C12orf54: variants seen among roughly 807,000 people sequenced by gnomAD.
C12orf54 encodes the protein uncharacterized protein C12orf54.
In C12orf54, 24 loss-of-function variants were observed where a neutral mutation model predicts 26.4. The observed-to-expected ratio is 0.91, with a 90% confidence interval of 0.66 to 1.28. The LOEUF (loss-of-function observed/expected upper bound fraction) is 1.28, where lower values mean the gene tolerates loss of function less well. Ranked by LOEUF, C12orf54 falls within the 50% of genes most tolerant of loss-of-function variation. The pLI is 0.00. For synonymous variants in C12orf54, 54 were observed against 47.0 expected (o/e 1.15, Z -0.61); for missense variants, 154 against 150.9 (o/e 1.02, Z -0.11).
intron 2 of C12orf54, 153 bp downstream of exon 2, chr12:48,483,514 C>T: frequency 5.1e-6 from 3 of 590,796 alleles, no homozygotes; most frequent in Non-Finnish European, 8.9e-6. Flanking sequence ...TCCCTCTTCT[C>T]CATCTCCTTA....
the C12orf54 span, among the ~76,000 whole-genome samples, chr12:48,464,674 A>G: frequency 6.6e-6 from 1 of 152,192 alleles, no homozygotes; most frequent in East Asian, 1.9e-4. Flanking sequence ...GAACTATACT[A>G]CAGGACTATA....
Position 48,494,019 on chromosome 12 carries a change from G to C in C12orf54, c.243-779G>C, listed in dbSNP as rs547554297. On this transcript the variant is annotated intron_variant, in intron 7 of 8. Transcript: ENST00000548364. ...GGATCACCTGAGGTCAGGAGTTCAA[G>C]ACCAGCCTGACCAACACAGTGAAAC... Among the ~76,000 whole-genome samples the C allele has an allele frequency of 9.6e-5, 14 of 145,874 alleles. 2 individuals carry two copies. The highest frequency in any genetic ancestry group is 3.6e-4 in the African/African-American group (14 of 39,184).
At chr12:48,437,839 G>A in the C12orf54 span, among the ~76,000 whole-genome samples, 14 of 152,004 alleles carry the variant, frequency 9.2e-5, no homozygotes, top group Non-Finnish European at 2.1e-4. Context: ...TTGAAAACTG[G>A]CACAAGACAG....
At chr12:48,488,480 C>CAA in intron 4 of C12orf54, 4 of 221,812 alleles carry the variant, frequency 1.8e-5, no homozygotes, top group East Asian at 1.7e-4. Flanking sequence ...AAACTTACAG[C>CAA]CAAAAAAAAA....
chr12:48,438,833 A>C, the C12orf54 span, among the ~76,000 whole-genome samples: 1 of 152,220 alleles, frequency 6.6e-6, no homozygotes, highest in East Asian at 1.9e-4. Context: ...ACCATTCAGG[A>C]CATAGGCATG....
the C12orf54 span, among the ~76,000 whole-genome samples, chr12:48,460,076 C>A: frequency 6.6e-6 from 1 of 152,138 alleles, no homozygotes; most frequent in Non-Finnish European, 1.5e-5. Context: ...GCAGAATGTT[C>A]CAAGGGTTTA....
At chr12:48,446,172 T>C in the C12orf54 span, among the ~76,000 whole-genome samples, 2 of 152,176 alleles carry the variant, frequency 1.3e-5, no homozygotes, top group Non-Finnish European at 2.9e-5. Flanking sequence ...GGCGAGAAAA[T>C]GTACCACAAC....
At chr12:48,429,189 T>C in the C12orf54 span, among the ~76,000 whole-genome samples, 1 of 152,116 alleles carries the variant, frequency 6.6e-6, no homozygotes, top group African/African-American at 2.4e-5. Context: ...AAGCCATCTA[T>C]GAAAAACCCA....
At chr12:48,486,598 A>G (rs2731091) in intron 3 of C12orf54, 90 bp from the exon 4 acceptor site, 626,277 of 1,375,632 alleles carry the variant, frequency 0.46, 147,954 homozygotes, top group East Asian at 0.79. Flanking sequence ...TCCAAGAAAC[A>G]TCTTGTCTTC....
chr12:48,446,639 G>A, the C12orf54 span, among the ~76,000 whole-genome samples: 2 of 152,038 alleles, frequency 1.3e-5, no homozygotes, highest in Admixed American at 6.6e-5. Context: ...TGATTCCACC[G>A]GGAATTCCCA....
At chr12:48,489,035 GAT>G (rs1937724519) in intron 5 of C12orf54, 79 bp downstream of exon 5, 2 of 1,359,980 alleles carry the variant, frequency 1.5e-6, no homozygotes, top group Non-Finnish European at 2.1e-6. Context: ...ACCCTACTGA[GAT>G]GTTGCCTCTG....
chr12:48,488,077 T>A, intron 4 of C12orf54: 2 of 945,152 alleles, frequency 2.1e-6, no homozygotes, highest in Non-Finnish European at 3.5e-6. Context: ...ATCCTTCACA[T>A]CATGAAGGCC....
chr12:48,414,073 A>T, the C12orf54 span, among the ~76,000 whole-genome samples: 1 of 152,250 alleles, frequency 6.6e-6, no homozygotes, highest in Admixed American at 6.5e-5. Flanking sequence ...ACAATTACAG[A>T]TTGATAAAGC....
the C12orf54 span, among the ~76,000 whole-genome samples, chr12:48,464,876 T>C: frequency 6.6e-6 from 1 of 152,028 alleles, no homozygotes; most frequent in Non-Finnish European, 1.5e-5. Flanking sequence ...ATGCAGAAGA[T>C]TGAAATTGAA....
chr12:48,488,088 A>G lies in C12orf54; in HGVS notation c.136-836A>G. The G allele has an allele frequency of 3.3e-6, 3 of 898,442 alleles. No individual in the cohort carries two copies. The South Asian group carries it at 3.9e-5, about 12-fold the overall frequency. 55.7% of individuals were successfully genotyped at this position (898,442 alleles called of 1,614,324 possible). A position where few individuals can be genotyped will look rare whatever the true frequency, so the allele number is the denominator to read the frequency against. ...GCCCATCCTTCACATCATGAAGGCC[A>G]TGCAGTCTCTCAAGTCCCAAGGCTG... On this transcript the variant is annotated intron_variant, in intron 4 of 8. Transcript: ENST00000548364.
chr12:48,473,576 G>A, the C12orf54 span: 1 of 299,490 alleles, frequency 3.3e-6, no homozygotes. Context: ...TGAGGGAAGG[G>A]AGGGGAGGAG....
chr12:48,478,762 A>C (rs551588607), upstream of C12orf54, among the ~76,000 whole-genome samples: 27 of 152,326 alleles, frequency 1.8e-4, no homozygotes, highest in Non-Finnish European at 3.7e-4. Context: ...AACACATGAA[A>C]AAATGCTCAC....
At chr12:48,473,482 C>T in the C12orf54 span, 1 of 449,166 alleles carries the variant, frequency 2.2e-6, no homozygotes, top group Non-Finnish European at 4.1e-6. Flanking sequence ...CCCTCCCCCA[C>T]TCCAATCCTG....
chr12:48,422,832 T>C, the C12orf54 span, among the ~76,000 whole-genome samples: 4 of 152,110 alleles, frequency 2.6e-5, no homozygotes, highest in African/African-American at 9.7e-5. Flanking sequence ...ATTTTGATAC[T>C]CACATGGAAG....
Sources: allele counts gnomAD v4.1 joint callset (sites outside exome capture counted in the v4.1 genomes callset), GRCh38; gene constraint gnomAD v4.1.1; transcripts MANE v1.5; gene names NCBI Gene and HGNC (gene_info 2026-07-23, HGNC 2026-07-21).